CPA6: variants seen among roughly 807,000 people sequenced by gnomAD.
The protein encoded by CPA6 is carboxypeptidase A6, also known as carboxypeptidase B.
A neutral mutation model predicts 63.3 loss-of-function variants in CPA6; 58 were observed. The ratio of observed to expected loss-of-function variants is 0.92; its 90% CI spans 0.74 to 1.14. The LOEUF is 1.14. Ranked by LOEUF, CPA6 falls within the 50% of genes most tolerant of loss-of-function variation. The pLI, the probability that CPA6 is intolerant of heterozygous loss-of-function variation, is 0.00. For missense variants in CPA6, 565 were observed against 526.6 expected, an observed-to-expected ratio of 1.07 and a Z score of -0.71; for synonymous variants, 185 against 179.0, an observed-to-expected ratio of 1.03 and a Z score of -0.27.
chr8:67,659,983 C>T (rs569442113), intron 1 of CPA6, among the ~76,000 whole-genome samples: 17 of 152,178 alleles, frequency 1.1e-4, no homozygotes, highest in Non-Finnish European at 2.1e-4. Flanking sequence ...TTCCCTCTAC[C>T]GTGGAAAAGT....
rs534534502 is a variant in CPA6, at chr8:67,514,097, A to G, written c.318-2442T>C. Among the ~76,000 whole-genome samples the G allele has an allele frequency of 3.3e-5, 5 of 152,006 alleles. No homozygotes were observed. The South Asian group carries it at 6.2e-4, about 19-fold the overall frequency. On this transcript the variant is annotated intron_variant, in intron 3 of 10. Coordinates refer to ENST00000297770, the MANE Select transcript of CPA6 (RefSeq NM_020361.5). The stretch of plus-strand genomic sequence containing the variant: ...CTCAGCCTCCCGAGTAGCTGGGATT[A>G]CAGCCACGCACCAACATGCCTGGCT...
intron 3 of CPA6, among the ~76,000 whole-genome samples, chr8:67,513,128 T>C (rs71515066): frequency 2.0e-5 from 3 of 152,236 alleles, no homozygotes; most frequent in Non-Finnish European, 4.4e-5. Flanking sequence ...GTTAAGTCCC[T>C]GATGGCTGCT....
At chr8:67,453,477 C>A (rs928055674) in intron 8 of CPA6, among the ~76,000 whole-genome samples, 3 of 151,924 alleles carry the variant, frequency 2.0e-5, no homozygotes, top group African/African-American at 7.3e-5. Flanking sequence ...TATTAGATAC[C>A]CCCAGTGAAG....
At chr8:67,605,088 T>TC (rs200915129) in intron 2 of CPA6, among the ~76,000 whole-genome samples, 1,765 of 151,598 alleles carry the variant, frequency 0.012, 13 homozygotes, top group East Asian at 0.027. Context: ...ACGTTTTTTT[T>TC]TTTTTCTTTT....
intron 2 of CPA6, among the ~76,000 whole-genome samples, chr8:67,522,837 C>A (rs1812287974): frequency 6.6e-6 from 1 of 152,218 alleles, no homozygotes; most frequent in South Asian, 2.1e-4. Flanking sequence ...GGCGTGGGAT[C>A]CAGGCTGGGG....
At chr8:67,734,469 T>TAAG (rs10641282) in intron 1 of CPA6, among the ~76,000 whole-genome samples, 124,106 of 151,896 alleles carry the variant, frequency 0.82, 50,927 homozygotes, top group Admixed American at 0.86. Context: ...GATATTACAT[T>TAAG]AAGATTTCTG....
chr8:67,599,806 G>A (rs990542152), intron 2 of CPA6, among the ~76,000 whole-genome samples: 2 of 152,134 alleles, frequency 1.3e-5, no homozygotes, highest in African/African-American at 4.8e-5. Flanking sequence ...TTCTCATAGT[G>A]GAGAAATGCT....
rs1192062617 is a variant in CPA6, at chr8:67,572,148, A to G, written c.192+52028T>C. Among the ~76,000 whole-genome samples the G allele has an allele frequency of 2.6e-5, 4 of 152,344 alleles. No individual in the cohort carries two copies. In the Middle Eastern group the frequency reaches 0.01, roughly 389 times the overall value. Reference sequence around the variant, plus strand: ...ATCACAAGAAATAGAAAATCTGAACAGACTGATAATGGAGTGAGGAGACTG... The same window carrying G: ...ATCACAAGAAATAGAAAATCTGAACGGACTGATAATGGAGTGAGGAGACTG... On this transcript the variant is annotated intron_variant, in intron 2 of 10. Transcript: ENST00000297770.
intron 1 of CPA6, among the ~76,000 whole-genome samples, chr8:67,674,829 T>C (rs1364204044): frequency 6.6e-6 from 1 of 152,056 alleles, no homozygotes; most frequent in African/African-American, 2.4e-5. Context: ...CACCACGGAA[T>C]ACTACACAGC....
chr8:67,704,786 C>T (rs77411470), intron 1 of CPA6, among the ~76,000 whole-genome samples: 6,419 of 152,268 alleles, frequency 0.042, 227 homozygotes, highest in African/African-American at 0.092. Flanking sequence ...AGGGAGATAA[C>T]AGGCAACATC....
chr8:67,574,423 C>A (rs2128977039), intron 2 of CPA6, among the ~76,000 whole-genome samples: 1 of 146,726 alleles, frequency 6.8e-6, no homozygotes, highest in African/African-American at 2.5e-5. Flanking sequence ...ACCCAAATAA[C>A]CAAGGCAATG....
intron 1 of CPA6, among the ~76,000 whole-genome samples, chr8:67,709,496 T>A (rs1817207366): frequency 6.6e-6 from 1 of 152,336 alleles, no homozygotes; most frequent in South Asian, 2.1e-4. Context: ...CTAACAATGA[T>A]AAATAAAGGA....
chr8:67,555,600 A>T (rs1813042181), intron 2 of CPA6, among the ~76,000 whole-genome samples: 1 of 152,172 alleles, frequency 6.6e-6, no homozygotes, highest in Non-Finnish European at 1.5e-5. Context: ...CAAATTATTG[A>T]ACCTAAGGAG....
intron 3 of CPA6, among the ~76,000 whole-genome samples, chr8:67,516,305 T>C (rs1156389132): frequency 6.6e-6 from 1 of 152,368 alleles, no homozygotes; most frequent in Non-Finnish European, 1.5e-5. Flanking sequence ...CAGTCTTAAG[T>C]AGATCCACCA....
At chr8:67,557,177 G>A (rs988946554) in intron 2 of CPA6, among the ~76,000 whole-genome samples, 18 of 152,198 alleles carry the variant, frequency 1.2e-4, no homozygotes, top group African/African-American at 4.1e-4. Flanking sequence ...GTTAGAGAGT[G>A]TCCTGAACAG....
chr8:67,732,195 G>A (rs1266528316), intron 1 of CPA6, among the ~76,000 whole-genome samples: 1 of 152,200 alleles, frequency 6.6e-6, no homozygotes, highest in South Asian at 2.1e-4. Context: ...AAATCAGCAG[G>A]AGAGTGGGAA....
rs145625823 is a variant in CPA6 at position 67,456,960 on chromosome 8, G to A, written c.839-22720C>T. Among the ~76,000 whole-genome samples, 908 of 152,310 alleles carry A rather than the reference G, an allele frequency of 6.0e-3. 5 individuals are homozygous for A. The highest frequency in any genetic ancestry group is 0.017 in the Middle Eastern group (5 of 294). On this transcript the variant is annotated intron_variant, in intron 8 of 10. Transcript: ENST00000297770. ...GAGCTCTCAGGGCAAGGAATATAGC[G>A]GCCTCTAGGAGCTGGAAAAGGGAAG...
At chr8:67,517,086 G>A (rs1451698959) in intron 3 of CPA6, among the ~76,000 whole-genome samples, 2 of 151,472 alleles carry the variant, frequency 1.3e-5, no homozygotes, top group African/African-American at 2.4e-5. Flanking sequence ...GTGAGCCACC[G>A]CACCCGGCCC....
intron 9 of CPA6, among the ~76,000 whole-genome samples, chr8:67,430,167 G>A (rs868620360): frequency 8.2e-6 from 1 of 121,996 alleles, no homozygotes; most frequent in South Asian, 2.5e-4. Context: ...GTGTGTGTGT[G>A]TGTGTATATA....
Sources: gnomAD v4.1 joint callset for allele counts (sites outside exome capture counted in the v4.1 genomes callset) on GRCh38, gnomAD v4.1.1 for gene constraint, MANE v1.5 for transcripts, NCBI Gene and HGNC (gene_info 2026-07-23, HGNC 2026-07-21) for gene names.